Variants in PCDHA3 observed in about 807,000 individuals in gnomAD.
PCDHA3 encodes protocadherin alpha 3.
PCDHA3 carries 41 observed loss-of-function variants against 62.2 expected under a neutral mutation model. That is an observed-to-expected ratio of 0.66 (90% CI 0.51 to 0.86). The LOEUF is 0.86. Among genes scored for constraint, PCDHA3 ranks in the 40% least tolerant of loss-of-function variants. The pLI is 0.00. For missense variants in PCDHA3, 1,304 were observed against 1,241.2 expected, an observed-to-expected ratio of 1.05 and a Z score of -0.76; for synonymous variants, 640 against 555.4, an observed-to-expected ratio of 1.15 and a Z score of -2.14.
At chr5:140,808,111 T>G (rs1764100877) in intron 1 of PCDHA3, 2 of 1,614,020 alleles carry the variant, frequency 1.2e-6, no homozygotes, top group Admixed American at 1.7e-5. Flanking sequence ...AGGGATATAT[T>G]GACTTTGAAG....
Position 140,855,567 on chromosome 5 carries a change from G to A in PCDHA3, c.2394+51976G>A, listed in dbSNP as rs568752755. Among the ~76,000 whole-genome samples the A allele has an allele frequency of 4.8e-4, 72 of 149,884 alleles. 4 individuals carry two copies. In the South Asian group the frequency reaches 0.014, roughly 30 times the overall value. ...TCAGAACTTAAATGGAACTAAAGTT[G>A]TCATTTAATAAAATATTAGTATACT... On this transcript the variant is annotated intron_variant, in intron 1 of 3. Coordinates refer to ENST00000522353, the MANE Select transcript of PCDHA3 (RefSeq NM_018906.3).
intron 1 of PCDHA3, chr5:140,871,155 C>A (rs782509939): frequency 3.0e-5 from 48 of 1,613,366 alleles, no homozygotes; most frequent in Non-Finnish European, 3.9e-5. Context: ...CTTTGGCGGG[C>A]GCCGCGAGCC....
chr5:140,862,968 G>A (rs1554157319), intron 1 of PCDHA3: 1 of 544,810 alleles, frequency 1.8e-6, no homozygotes, highest in Non-Finnish European at 3.6e-6. Flanking sequence ...GTGGATGCAG[G>A]CCACTTGGTG....
chr5:140,902,284 T>C (rs2069352303), intron 1 of PCDHA3, among the ~76,000 whole-genome samples: 2 of 149,984 alleles, frequency 1.3e-5, no homozygotes, highest in South Asian at 4.3e-4. Context: ...GCAATCCTCC[T>C]GCCTCAGCCT....
At chr5:140,870,826 G>T (rs781804523) in intron 1 of PCDHA3, 16 of 1,613,638 alleles carry the variant, frequency 9.9e-6, no homozygotes, top group Non-Finnish European at 1.3e-5. Context: ...CGCGGGAGGC[G>T]CAGTTAACAA....
At chr5:140,841,264 T>C (rs1777117018) in intron 1 of PCDHA3, 1 of 1,522,190 alleles carries the variant, frequency 6.6e-7, no homozygotes, top group Admixed American at 2.2e-5. Context: ...ACTCTGAAAG[T>C]ACAGTCGTTC....
rs2042521817 is a variant in PCDHA3, at chr5:140,852,899, GTC to G, written c.2394+49309_2394+49310del. 441 of 840,720 alleles carry G rather than the reference GTC, an allele frequency of 5.2e-4. 11 individuals are homozygous for G. In the South Asian group the frequency reaches 0.021, roughly 39 times the overall value. The allele number at this position is 840,720 out of a possible 1,614,324, so 52.1% of individuals were successfully genotyped here. A position where few individuals can be genotyped will look rare whatever the true frequency, so the allele number is the denominator to read the frequency against. On this transcript the variant is annotated intron_variant, in intron 1 of 3. Coordinates refer to ENST00000522353, the MANE Select transcript of PCDHA3 (RefSeq NM_018906.3). ...TCATAAAACGTATTTTTTTTTTTGAGTCAGAGTCTCGCTCTGTTGCCCAGGCT... is the reference window on the plus strand; with the variant it reads ...TCATAAAACGTATTTTTTTTTTTGAGAGAGTCTCGCTCTGTTGCCCAGGCT...
chr5:140,985,063 G>C (rs2097134230), intron 3 of PCDHA3, among the ~76,000 whole-genome samples: 1 of 151,948 alleles, frequency 6.6e-6, no homozygotes, highest in African/African-American at 2.4e-5. Flanking sequence ...TCAGCCTCCT[G>C]AGTAGCTGAG....
intron 1 of PCDHA3, among the ~76,000 whole-genome samples, chr5:140,891,208 C>T (rs2062983751): frequency 1.3e-5 from 2 of 152,002 alleles, no homozygotes; most frequent in African/African-American, 4.8e-5. Context: ...TTTTACCATG[C>T]TGTGTCTTTA....
chr5:140,831,254 T>C (rs1298063244), intron 1 of PCDHA3: 1 of 152,260 alleles, frequency 6.6e-6, no homozygotes, highest in Non-Finnish European at 1.5e-5. Context: ...CTCTTATTTC[T>C]GTTTGAATTT....
At chr5:141,006,445 C>T (rs1202981865) in intron 3 of PCDHA3, among the ~76,000 whole-genome samples, 2 of 152,062 alleles carry the variant, frequency 1.3e-5, no homozygotes, top group Non-Finnish European at 2.9e-5. Context: ...AATCTCCTGA[C>T]CTCGAGATCT....
At chr5:140,976,369 G>A (rs1464114589) in intron 1 of PCDHA3, among the ~76,000 whole-genome samples, 1 of 151,996 alleles carries the variant, frequency 6.6e-6, no homozygotes, top group Non-Finnish European at 1.5e-5. Flanking sequence ...TGGCCAACAT[G>A]GTGAAACCCC....
Position 140,956,288 on chromosome 5 carries a change from C to A in PCDHA3, c.2395-22661C>A, listed in dbSNP as rs115259112. The stretch of plus-strand genomic sequence containing the variant: ...AGTGTGGTATTGGCTGTGGGTTTAT[C>A]ATATATATGGCTCTTATTATTTTGA... On this transcript the variant is annotated intron_variant, in intron 1 of 3. Transcript: ENST00000522353. Among the ~76,000 whole-genome samples, 994 of 152,174 alleles carry A rather than the reference C, an allele frequency of 6.5e-3. 6 individuals carry two copies. Among genetic ancestry groups the A allele is most frequent in the African/African-American group, 0.022 (916 of 41,532 alleles).
intron 1 of PCDHA3, among the ~76,000 whole-genome samples, chr5:140,898,104 A>G (rs1220718510): frequency 2.0e-5 from 3 of 152,110 alleles, no homozygotes; most frequent in Middle Eastern, 3.4e-3. Flanking sequence ...TTGTCAGATG[A>G]GTAGGTTGCG....
In PCDHA3 at chr5:140,857,206, C is replaced by T. The variant is rs1554149659; in HGVS notation, c.2394+53615C>T. On this transcript the variant is annotated intron_variant, in intron 1 of 3. Transcript: ENST00000522353. Reference sequence around the variant, plus strand: ...CAGGAGCCAACGGACAGGTCACCTGCTCTCTGACGCCTCACGTTCCGTTCA... The same window carrying T: ...CAGGAGCCAACGGACAGGTCACCTGTTCTCTGACGCCTCACGTTCCGTTCA... The T allele has an allele frequency of 2.5e-6, 4 of 1,598,614 alleles. No homozygotes were observed. The South Asian group carries it at 3.3e-5, about 13-fold the overall frequency.
intron 1 of PCDHA3, among the ~76,000 whole-genome samples, chr5:140,924,027 G>T (rs1458552046): frequency 1.3e-5 from 2 of 152,194 alleles, no homozygotes; most frequent in Non-Finnish European, 2.9e-5. Context: ...TTGGAGGCAT[G>T]GCTGCAGACC....
intron 1 of PCDHA3, among the ~76,000 whole-genome samples, chr5:140,837,811 G>A (rs1775265637): frequency 1.3e-5 from 2 of 151,598 alleles, no homozygotes; most frequent in African/African-American, 2.4e-5. Flanking sequence ...GGAGTAGCTG[G>A]GAATACAGTT....
chr5:140,952,072 A>G (rs1433517410), intron 1 of PCDHA3, among the ~76,000 whole-genome samples: 1 of 152,112 alleles, frequency 6.6e-6, no homozygotes, highest in Non-Finnish European at 1.5e-5. Context: ...AATAATCTTC[A>G]TTGACTCCAT....
At position 140,857,729 on chromosome 5, in the gene PCDHA3, G is replaced by A. The variant is rs782508750; in HGVS notation, c.2394+54138G>A. 1.8e-5 allele frequency: 29 copies of A among 1,597,292 alleles called. 3 individuals are homozygous for A. The highest frequency in any genetic ancestry group is 1.3e-5 in the African/African-American group (1 of 74,288). ...GTTCGTGCTGGACGAGAACGACAACGCTCCCGCGCTGCTGGCGTCTCCCGC... is the reference window on the plus strand; with the variant it reads ...GTTCGTGCTGGACGAGAACGACAACACTCCCGCGCTGCTGGCGTCTCCCGC... On this transcript the variant is annotated intron_variant, in intron 1 of 3. Transcript: ENST00000522353.
Sources: allele counts gnomAD v4.1 joint callset (sites outside exome capture counted in the v4.1 genomes callset), GRCh38; gene constraint gnomAD v4.1.1; transcripts MANE v1.5; gene names NCBI Gene and HGNC (gene_info 2026-07-23, HGNC 2026-07-21).